Variants in EYA1 observed in about 807,000 individuals in gnomAD.
EYA1 encodes EYA transcriptional coactivator and phosphatase 1, also known as protein phosphatase EYA1.
Under a neutral mutation model 82.0 loss-of-function variants are expected in EYA1, and 16 were observed. That is an observed-to-expected ratio of 0.20 (90% CI 0.13 to 0.30). The LOEUF (loss-of-function observed/expected upper bound fraction) is 0.30. Ranked by LOEUF, EYA1 falls within the 10% of genes least tolerant of loss-of-function variation. EYA1 has a pLI of 1.00. For synonymous variants in EYA1, 261 were observed against 264.4 expected (o/e 0.99, Z 0.12); for missense variants, 633 against 730.7 (o/e 0.87, Z 1.54).
Position 71,198,627 on chromosome 8 carries a change from A to G in EYA1, c.*713T>C, listed in dbSNP as rs1195891383. On this transcript the variant is annotated 3_prime_UTR_variant, in exon 18 of 18. Transcript: ENST00000340726. Reference sequence around the variant, plus strand: ...TTTACACCAAAAATTCTTTCTGTACATGATTGTCTCAGTGATGTACATATT... The same window carrying G: ...TTTACACCAAAAATTCTTTCTGTACGTGATTGTCTCAGTGATGTACATATT... The G allele has an allele frequency of 6.5e-6, 1 of 152,768 alleles. No homozygotes were observed. Among genetic ancestry groups the G allele is most frequent in the Non-Finnish European group, 1.5e-5 (1 of 68,130 alleles). 9.5% of individuals were successfully genotyped at this position (152,768 alleles called of 1,614,324 possible).
intron 3 of EYA1, among the ~76,000 whole-genome samples, chr8:71,340,827 C>T (rs973449990): frequency 3.9e-5 from 6 of 151,912 alleles, no homozygotes; most frequent in African/African-American, 7.3e-5. Flanking sequence ...CTTAGCCCAA[C>T]GTTTGGCTTG....
At chr8:71,352,241 T>A (rs1016006441) in intron 3 of EYA1, among the ~76,000 whole-genome samples, 19 of 152,192 alleles carry the variant, frequency 1.2e-4, no homozygotes, top group African/African-American at 4.6e-4. Context: ...AATTCACTAA[T>A]TTTAAGCTTA....
chr8:71,266,380 G>A (rs1439051124), intron 11 of EYA1, among the ~76,000 whole-genome samples: 2 of 152,074 alleles, frequency 1.3e-5, no homozygotes, highest in Non-Finnish European at 2.9e-5. Context: ...TTGTTTGGAA[G>A]AATCCTTGTT....
chr8:71,498,316 C>T (rs1222363921), intron 2 of EYA1, among the ~76,000 whole-genome samples: 2 of 152,140 alleles, frequency 1.3e-5, no homozygotes, highest in East Asian at 3.9e-4. Flanking sequence ...ATGATAAATA[C>T]ATACAATTTT....
intron 10 of EYA1, 34 bp downstream of exon 10, chr8:71,271,724 C>A (rs760664282): frequency 4.3e-6 from 7 of 1,613,870 alleles, no homozygotes; most frequent in Admixed American, 1.7e-5. Context: ...ATTAAGACAC[C>A]TTTCTATTCA....
intron 2 of EYA1, among the ~76,000 whole-genome samples, chr8:71,490,289 T>C (rs1810896625): frequency 6.6e-6 from 1 of 152,204 alleles, no homozygotes; most frequent in African/African-American, 2.4e-5. Flanking sequence ...CAAAATTTCC[T>C]GAAGGGAGAT....
chr8:71,249,419 T>A (rs1813484788), intron 11 of EYA1, among the ~76,000 whole-genome samples: 1 of 152,084 alleles, frequency 6.6e-6, no homozygotes, highest in Admixed American at 6.6e-5. Flanking sequence ...CTTCTTCACA[T>A]GGTGGCAGCA....
chr8:71,456,992 A>G (rs966756783), intron 2 of EYA1, among the ~76,000 whole-genome samples: 5 of 152,188 alleles, frequency 3.3e-5, no homozygotes, highest in African/African-American at 1.2e-4. Flanking sequence ...AATGGGAGAA[A>G]ATTTTTGCAA....
chr8:71,256,913 C>T (rs1403451560), intron 11 of EYA1, among the ~76,000 whole-genome samples: 3 of 151,860 alleles, frequency 2.0e-5, no homozygotes, highest in Non-Finnish European at 4.4e-5. Flanking sequence ...GTAGGAGAAT[C>T]GCCTGAACCC....
intron 7 of EYA1, among the ~76,000 whole-genome samples, chr8:71,312,485 T>C (rs1266518866): frequency 6.6e-6 from 1 of 152,216 alleles, no homozygotes; most frequent in Non-Finnish European, 1.5e-5. Context: ...CTCACTCCAT[T>C]GCCCAGGCGG....
At chr8:71,404,065 T>C (rs1227334046) in intron 2 of EYA1, 1 of 152,166 alleles carries the variant, frequency 6.6e-6, no homozygotes, top group African/African-American at 2.4e-5. Context: ...TGATTGGAAA[T>C]GGAACTACGA....
chr8:71,276,975 C>G (rs1473821466), intron 9 of EYA1, among the ~76,000 whole-genome samples: 1 of 152,038 alleles, frequency 6.6e-6, no homozygotes, highest in Non-Finnish European at 1.5e-5. Flanking sequence ...ACGATGTTAG[C>G]TAACTGAAAA....
chr8:71,226,734 A>G (rs1301542420), intron 12 of EYA1, among the ~76,000 whole-genome samples: 1 of 151,316 alleles, frequency 6.6e-6, no homozygotes, highest in African/African-American at 2.4e-5. Flanking sequence ...TGATCTAATG[A>G]TATCAATACT....
chr8:71,394,325 G>C (rs1489717147), intron 2 of EYA1, among the ~76,000 whole-genome samples: 3 of 152,120 alleles, frequency 2.0e-5, no homozygotes, highest in Non-Finnish European at 2.9e-5. Flanking sequence ...TTTCGTTTTT[G>C]TTGCCATTGC....
upstream of EYA1, among the ~76,000 whole-genome samples, chr8:71,366,253 T>C (rs1210354000): frequency 2.6e-5 from 4 of 152,142 alleles, no homozygotes; most frequent in Admixed American, 2.0e-4. Context: ...GGGGATGAGA[T>C]AATGCAGGTG....
intron 3 of EYA1, among the ~76,000 whole-genome samples, chr8:71,351,347 A>C (rs747404402): frequency 1.3e-5 from 2 of 152,332 alleles, no homozygotes; most frequent in East Asian, 3.9e-4. Flanking sequence ...ATTTGGAAAC[A>C]TATCACTTCT....
rs1253049521 is a variant in EYA1 at position 71,209,817 on chromosome 8, A to T, written c.1698+1339T>A. ...CCATAAAATATTTAATTGTTCTTCA[A>T]TTCAAGAAACATTTACAGAGTACAA... On this transcript the variant is annotated intron_variant, in intron 17 of 17. Coordinates refer to ENST00000340726, the MANE Select transcript of EYA1 (RefSeq NM_000503.6). Among the ~76,000 whole-genome samples the T allele has an allele frequency of 2.0e-5, 3 of 152,222 alleles. No homozygotes were observed. In the East Asian group the frequency reaches 5.8e-4, roughly 29 times the overall value.
At chr8:71,501,726 C>T (rs1002228733) in intron 2 of EYA1, among the ~76,000 whole-genome samples, 5 of 152,174 alleles carry the variant, frequency 3.3e-5, no homozygotes, top group South Asian at 2.1e-4. Context: ...AAGTCAGGAT[C>T]GTGATTCACT....
At chr8:71,438,429 T>C (rs796963071) in intron 2 of EYA1, among the ~76,000 whole-genome samples, 8 of 152,132 alleles carry the variant, frequency 5.3e-5, no homozygotes, top group African/African-American at 1.9e-4. Context: ...TACTACCCTA[T>C]ACATAACATT....
Sources: gnomAD v4.1 joint callset for allele counts (sites outside exome capture counted in the v4.1 genomes callset) on GRCh38, gnomAD v4.1.1 for gene constraint, MANE v1.5 for transcripts, NCBI Gene and HGNC (gene_info 2026-07-23, HGNC 2026-07-21) for gene names.